The following TUNAR variants were observed in gnomAD, a reference collection of about 807,000 sequenced individuals.
TUNAR encodes protein TUNAR.
intron 2 of TUNAR, among the ~76,000 whole-genome samples, chr14:95,920,830 G>A (rs1889687085): frequency 6.6e-6 from 1 of 152,178 alleles, no homozygotes; most frequent in Non-Finnish European, 1.5e-5. Flanking sequence ...ATTCGAATGA[G>A]AGAAACAGAA....
At chr14:95,905,530 C>T (rs923558793) in intron 2 of TUNAR, among the ~76,000 whole-genome samples, 4 of 152,196 alleles carry the variant, frequency 2.6e-5, no homozygotes, top group Non-Finnish European at 5.9e-5. Flanking sequence ...CATGTTGTGA[C>T]CTTCTTGGTG....
At chr14:95,890,978 A>G (rs1275042011) in intron 2 of TUNAR, among the ~76,000 whole-genome samples, 1 of 152,198 alleles carries the variant, frequency 6.6e-6, no homozygotes, top group African/African-American at 2.4e-5. Context: ...ACAATAATAC[A>G]ACCCAGACAG....
chr14:95,908,068 G>A (rs1889452339), intron 2 of TUNAR, among the ~76,000 whole-genome samples: 1 of 152,202 alleles, frequency 6.6e-6, no homozygotes, highest in African/African-American at 2.4e-5. Context: ...CCAGCCTTCA[G>A]GCCCTCCCTG....
chr14:95,905,952 GTTAT>G (rs529948854), intron 2 of TUNAR, among the ~76,000 whole-genome samples: 35 of 152,246 alleles, frequency 2.3e-4, no homozygotes, highest in Non-Finnish European at 4.3e-4. Flanking sequence ...TAATCCTGTG[GTTAT>G]TTATTTTCTT....
At chr14:95,917,043 A>AT (rs1355576766) in intron 2 of TUNAR, among the ~76,000 whole-genome samples, 3 of 152,002 alleles carry the variant, frequency 2.0e-5, no homozygotes, top group African/African-American at 4.8e-5. Flanking sequence ...ATGATATTTT[A>AT]TTTTTTTGAT....
intron 2 of TUNAR, among the ~76,000 whole-genome samples, chr14:95,878,620 A>T (rs1409754951): frequency 1.3e-5 from 2 of 152,244 alleles, no homozygotes; most frequent in African/African-American, 4.8e-5. Flanking sequence ...TTGGACGAAC[A>T]TTCTACACTG....
chr14:95,896,756 A>T (rs148307111), intron 2 of TUNAR, among the ~76,000 whole-genome samples: 28 of 152,268 alleles, frequency 1.8e-4, no homozygotes, highest in African/African-American at 6.7e-4. Context: ...AAAAAATAAC[A>T]CTTTGTTATG....
At chr14:95,884,790 A>G (rs1889047031) in intron 2 of TUNAR, among the ~76,000 whole-genome samples, 1 of 152,136 alleles carries the variant, frequency 6.6e-6, no homozygotes, top group African/African-American at 2.4e-5. Flanking sequence ...TGCGGTCCCC[A>G]CAATCTGTGT....
At chr14:95,896,369 C>T (rs947597913) in intron 2 of TUNAR, among the ~76,000 whole-genome samples, 2 of 152,172 alleles carry the variant, frequency 1.3e-5, no homozygotes, top group Non-Finnish European at 2.9e-5. Context: ...AGCTAAGTAG[C>T]GGCAGTGCAC....
At chr14:95,878,084 G>C (rs894790415) in intron 2 of TUNAR, among the ~76,000 whole-genome samples, 1 of 152,218 alleles carries the variant, frequency 6.6e-6, no homozygotes, top group Non-Finnish European at 1.5e-5. Flanking sequence ...TTACTTAACC[G>C]GAGCGGGGGC....
intron 2 of TUNAR, among the ~76,000 whole-genome samples, chr14:95,918,462 C>T (rs1438895294): frequency 6.6e-6 from 1 of 152,188 alleles, no homozygotes; most frequent in South Asian, 2.1e-4. Flanking sequence ...AATATTCTAA[C>T]TTCTCCATTT....
intron 2 of TUNAR, among the ~76,000 whole-genome samples, chr14:95,914,036 G>A (rs529586285): frequency 6.6e-6 from 1 of 152,346 alleles, no homozygotes; most frequent in East Asian, 1.9e-4. Flanking sequence ...CAGCCCCTAG[G>A]TGGACTTTAT....
intron 2 of TUNAR, among the ~76,000 whole-genome samples, chr14:95,896,983 T>A (rs1239106555): frequency 6.6e-6 from 1 of 152,244 alleles, no homozygotes; most frequent in Non-Finnish European, 1.5e-5. Flanking sequence ...TGCGTTGGAA[T>A]TTGTTCCTTC....
At chr14:95,902,915 A>G (rs1889378793) in intron 2 of TUNAR, among the ~76,000 whole-genome samples, 1 of 152,210 alleles carries the variant, frequency 6.6e-6, no homozygotes, top group South Asian at 2.1e-4. Context: ...TTGAAAAAGC[A>G]TTGAGAACAT....
chr14:95,883,385 A>G (rs1193488539), intron 2 of TUNAR, among the ~76,000 whole-genome samples: 1 of 152,132 alleles, frequency 6.6e-6, no homozygotes, highest in African/African-American at 2.4e-5. Context: ...CCGTCTGGTT[A>G]CTAGGATCCA....
At chr14:95,913,864 C>T (rs947306520) in intron 2 of TUNAR, among the ~76,000 whole-genome samples, 1 of 152,178 alleles carries the variant, frequency 6.6e-6, no homozygotes, top group Non-Finnish European at 1.5e-5. Context: ...TCCCGAGTAG[C>T]TGGGACTACA....
intron 2 of TUNAR, among the ~76,000 whole-genome samples, chr14:95,877,899 A>G (rs1354628467): frequency 6.6e-6 from 1 of 152,206 alleles, no homozygotes; most frequent in Non-Finnish European, 1.5e-5. Context: ...ATGTTTTCCT[A>G]GGTGTTCTCT....
chr14:95,886,412 C>T (rs1028230565), intron 2 of TUNAR, among the ~76,000 whole-genome samples: 1 of 152,222 alleles, frequency 6.6e-6, no homozygotes, highest in Non-Finnish European at 1.5e-5. Flanking sequence ...TTATACTACC[C>T]TTGAACTTCA....
chr14:95,888,694 G>C (rs181006237), intron 2 of TUNAR, among the ~76,000 whole-genome samples: 1 of 152,200 alleles, frequency 6.6e-6, no homozygotes, highest in Non-Finnish European at 1.5e-5. Flanking sequence ...GTTGTAGTGC[G>C]TGGGGGTGTC....
Sources: gnomAD v4.1 joint callset for allele counts (sites outside exome capture counted in the v4.1 genomes callset) on GRCh38, gnomAD v4.1.1 for gene constraint, MANE v1.5 for transcripts, NCBI Gene and HGNC (gene_info 2026-07-23, HGNC 2026-07-21) for gene names.